Variants in TRAPPC9 observed in about 807,000 individuals in gnomAD.
TRAPPC9 encodes trafficking protein particle complex subunit 9.
Under a neutral mutation model 124.0 loss-of-function variants are expected in TRAPPC9, and 83 were observed. That is an observed-to-expected ratio of 0.67 (90% CI 0.56 to 0.80). The LOEUF is 0.80. Among genes scored for constraint, TRAPPC9 ranks in the 30% least tolerant of loss-of-function variants. The probability of loss-of-function intolerance (pLI) is 0.00; values close to 1 mark genes in which losing one functional copy is unlikely to be tolerated. For synonymous variants in TRAPPC9, 638 were observed against 617.5 expected, an observed-to-expected ratio of 1.03 and a Z score of -0.49; for missense variants, 1,302 against 1,508.3, an observed-to-expected ratio of 0.86 and a Z score of 2.27.
At chr8:140,275,103 C>A (rs58881524) in intron 15 of TRAPPC9, among the ~76,000 whole-genome samples, 16,583 of 152,148 alleles carry the variant, frequency 0.11, 1,551 homozygotes, top group African/African-American at 0.25. Context: ...CCAAACACGA[C>A]CTCCCTAGTT....
At chr8:140,062,926 G>C (rs1010699923) in intron 17 of TRAPPC9, among the ~76,000 whole-genome samples, 5 of 152,078 alleles carry the variant, frequency 3.3e-5, no homozygotes, top group African/African-American at 1.2e-4. Flanking sequence ...TCCAAGACTG[G>C]GTAATTTATA....
intron 9 of TRAPPC9, among the ~76,000 whole-genome samples, chr8:140,354,907 C>T (rs1303787646): frequency 6.6e-6 from 1 of 152,162 alleles, no homozygotes; most frequent in Non-Finnish European, 1.5e-5. Flanking sequence ...TGGAAAGAAC[C>T]TCTCAGACCT....
At chr8:139,808,116 T>G (rs537320758) in intron 21 of TRAPPC9, among the ~76,000 whole-genome samples, 5 of 152,328 alleles carry the variant, frequency 3.3e-5, no homozygotes, top group African/African-American at 7.2e-5. Flanking sequence ...TTATTAACTA[T>G]TACTTTTTTG....
At chr8:139,771,215 T>G (rs1375082755) in intron 21 of TRAPPC9, among the ~76,000 whole-genome samples, 3 of 152,072 alleles carry the variant, frequency 2.0e-5, no homozygotes, top group Non-Finnish European at 4.4e-5. Flanking sequence ...GGCCCCAAAC[T>G]CATCTCTTTT....
intron 15 of TRAPPC9, among the ~76,000 whole-genome samples, chr8:140,269,643 A>G (rs1218554472): frequency 6.6e-6 from 1 of 152,222 alleles, no homozygotes; most frequent in Non-Finnish European, 1.5e-5. Flanking sequence ...TAAGGCAAAT[A>G]TAACAAAATG....
At chr8:140,339,574 C>T (rs1471426609) in intron 9 of TRAPPC9, among the ~76,000 whole-genome samples, 2 of 152,176 alleles carry the variant, frequency 1.3e-5, no homozygotes, top group Admixed American at 1.3e-4. Context: ...CTCCCAACTC[C>T]TCATCTGGTC....
At chr8:140,234,973 C>T (rs1018128877) in intron 16 of TRAPPC9, among the ~76,000 whole-genome samples, 1 of 152,050 alleles carries the variant, frequency 6.6e-6, no homozygotes, top group Non-Finnish European at 1.5e-5. Context: ...AGAAAATTTA[C>T]AATTTTTTTT....
chr8:140,452,846 C>A (rs1588386196), intron 1 of TRAPPC9, among the ~76,000 whole-genome samples: 1 of 152,204 alleles, frequency 6.6e-6, no homozygotes. Flanking sequence ...CAGCTCTACA[C>A]GCACGATCTG....
At chr8:140,278,560 G>C (rs2065199161) in intron 14 of TRAPPC9, among the ~76,000 whole-genome samples, 1 of 152,234 alleles carries the variant, frequency 6.6e-6, no homozygotes, top group Non-Finnish European at 1.5e-5. Flanking sequence ...TAGTCAAGAT[G>C]GGCCTGGGAC....
chr8:139,853,530 G>A (rs935737715), intron 21 of TRAPPC9, among the ~76,000 whole-genome samples: 2 of 152,188 alleles, frequency 1.3e-5, no homozygotes, highest in African/African-American at 4.8e-5. Context: ...AGAAATGCTT[G>A]CTGACCGAAT....
chr8:140,344,866 T>C (rs1029631445), intron 9 of TRAPPC9, among the ~76,000 whole-genome samples: 7 of 152,148 alleles, frequency 4.6e-5, no homozygotes, highest in Admixed American at 3.3e-4. Flanking sequence ...ACCAGGGAGG[T>C]TGAAGCAGAA....
chr8:139,931,023 C>A (rs1381371), intron 19 of TRAPPC9: 5,819 of 152,234 alleles, frequency 0.038, 280 homozygotes, highest in African/African-American at 0.11. Flanking sequence ...CCCTGTCTGT[C>A]CAGGAAGCAA....
chr8:140,382,745 C>T (rs1043090138), intron 7 of TRAPPC9, among the ~76,000 whole-genome samples: 5 of 152,202 alleles, frequency 3.3e-5, no homozygotes, highest in Non-Finnish European at 7.3e-5. Context: ...AGGGCATAGC[C>T]AAACAAAAGG....
At chr8:139,812,607 T>C (rs1824521329) in intron 21 of TRAPPC9, among the ~76,000 whole-genome samples, 1 of 152,252 alleles carries the variant, frequency 6.6e-6, no homozygotes, top group South Asian at 2.1e-4. Flanking sequence ...CACATGTATA[T>C]ATCACTTAAA....
intron 17 of TRAPPC9, among the ~76,000 whole-genome samples, chr8:140,215,735 TC>T (rs1293116999): frequency 1.3e-5 from 2 of 151,756 alleles, no homozygotes; most frequent in Admixed American, 6.6e-5. Flanking sequence ...TCCCTAAACT[TC>T]CGCTTCCCCA....
At chr8:140,090,210 T>C (rs1648181233) in intron 17 of TRAPPC9, among the ~76,000 whole-genome samples, 1 of 152,238 alleles carries the variant, frequency 6.6e-6, no homozygotes, top group Admixed American at 6.5e-5. Flanking sequence ...TTGAAGTCAT[T>C]TGAGTGTGTC....
chr8:140,266,174 T>A (rs1434275026), intron 15 of TRAPPC9, among the ~76,000 whole-genome samples: 4 of 152,122 alleles, frequency 2.6e-5, no homozygotes, highest in African/African-American at 7.2e-5. Flanking sequence ...TGCTTACAAG[T>A]GGCCAGGCAT....
At chr8:139,895,369 A>G (rs1189372282) in intron 20 of TRAPPC9, among the ~76,000 whole-genome samples, 2 of 152,204 alleles carry the variant, frequency 1.3e-5, no homozygotes, top group Non-Finnish European at 2.9e-5. Context: ...AAATGTATAC[A>G]TACCTTTTGT....
chr8:140,205,268 A>G (rs1335773857), intron 17 of TRAPPC9, among the ~76,000 whole-genome samples: 3 of 152,260 alleles, frequency 2.0e-5, no homozygotes, highest in Non-Finnish European at 4.4e-5. Flanking sequence ...TTGACAAAGC[A>G]AAAGTTATCA....
Sources: allele counts gnomAD v4.1 joint callset (sites outside exome capture counted in the v4.1 genomes callset), GRCh38; gene constraint gnomAD v4.1.1; transcripts MANE v1.5; gene names NCBI Gene and HGNC (gene_info 2026-07-23, HGNC 2026-07-21).